Variants in SPOCK3 observed in about 807,000 individuals in gnomAD.
SPOCK3 encodes SPARC (osteonectin), cwcv and kazal like domains proteoglycan 3, also known as testican-3.
A neutral mutation model predicts 56.6 loss-of-function variants in SPOCK3; 30 were observed. The ratio of observed to expected loss-of-function variants is 0.53; its 90% CI spans 0.40 to 0.72. The LOEUF (loss-of-function observed/expected upper bound fraction) is 0.72, where lower values mean the gene tolerates loss of function less well. Among genes scored for constraint, SPOCK3 ranks in the 30% least tolerant of loss-of-function variants. The probability of loss-of-function intolerance (pLI) is 0.00; values close to 1 mark genes in which losing one functional copy is unlikely to be tolerated. For missense variants in SPOCK3, 527 were observed against 530.0 expected (o/e 0.99, Z 0.06); for synonymous variants, 196 against 183.3 (o/e 1.07, Z -0.56).
chr4:166,935,755 T>C (rs1190772558), intron 4 of SPOCK3, among the ~76,000 whole-genome samples: 1 of 152,176 alleles, frequency 6.6e-6, no homozygotes, highest in African/African-American at 2.4e-5. Context: ...AAAAGCCACA[T>C]AGTTAGGAAG....
At chr4:166,751,896 A>C (rs1180577189) in intron 8 of SPOCK3, among the ~76,000 whole-genome samples, 2 of 152,168 alleles carry the variant, frequency 1.3e-5, no homozygotes, top group African/African-American at 2.4e-5. Context: ...AACCATGTTC[A>C]TTTTGTATTG....
chr4:166,745,122 C>G (rs962922096), intron 8 of SPOCK3, among the ~76,000 whole-genome samples: 2 of 152,132 alleles, frequency 1.3e-5, no homozygotes, highest in Admixed American at 1.3e-4. Context: ...CATTCAAATT[C>G]AGGATATACA....
intron 7 of SPOCK3, among the ~76,000 whole-genome samples, chr4:166,778,214 T>A (rs956008962): frequency 2.0e-5 from 3 of 152,232 alleles, no homozygotes; most frequent in African/African-American, 7.2e-5. Context: ...ATTTCCTGAT[T>A]ATTTATGTTA....
At chr4:166,866,139 C>T (rs1731813158) in intron 6 of SPOCK3, among the ~76,000 whole-genome samples, 1 of 152,022 alleles carries the variant, frequency 6.6e-6, no homozygotes, top group Non-Finnish European at 1.5e-5. Flanking sequence ...CATCTACAAC[C>T]ATCTGATCTT....
intron 2 of SPOCK3, among the ~76,000 whole-genome samples, chr4:167,223,177 T>C (rs1228865630): frequency 7.7e-6 from 1 of 130,438 alleles, no homozygotes; most frequent in East Asian, 2.2e-4. Flanking sequence ...GAATATATAA[T>C]ATATATTTTA....
chr4:167,158,506 A>G (rs1765004880), intron 2 of SPOCK3, among the ~76,000 whole-genome samples: 1 of 152,004 alleles, frequency 6.6e-6, no homozygotes, highest in Non-Finnish European at 1.5e-5. Context: ...AGGATTTGTT[A>G]TTATACACAA....
rs930073268 is a variant in SPOCK3, at chr4:166,903,239, C to T, written c.474+9381G>A. ...GAACAAACTCTGTGGAATCCTTAGACGTTTGAATTAATAATAGATTTCTAC... is the reference window on the plus strand; with the variant it reads ...GAACAAACTCTGTGGAATCCTTAGATGTTTGAATTAATAATAGATTTCTAC... On this transcript the variant is annotated intron_variant, in intron 5 of 10. Transcript: ENST00000357545. Among the ~76,000 whole-genome samples the T allele has an allele frequency of 7.3e-5, 11 of 150,866 alleles. 1 individual carries two copies. Among genetic ancestry groups the T allele is most frequent in the Admixed American group, 1.3e-4 (2 of 15,080 alleles).
At chr4:166,845,059 G>T (rs971296947) in intron 6 of SPOCK3, among the ~76,000 whole-genome samples, 3 of 152,138 alleles carry the variant, frequency 2.0e-5, no homozygotes, top group African/African-American at 7.2e-5. Context: ...TCACAAACAT[G>T]ATTGAATTTG....
In SPOCK3 at chr4:166,847,674, TATATATAA is replaced by T. The variant is rs1238871824; in HGVS notation, c.589+41448_589+41455del. 6.0e-4 allele frequency among the ~76,000 whole-genome samples: 73 copies of T among 120,914 alleles called. 1 individual carries two copies. The highest frequency in any genetic ancestry group is 4.1e-3 in the East Asian group (14 of 3,394). 79.3% of individuals were successfully genotyped at this position (120,914 alleles called of 152,430 possible). On this transcript the variant is annotated intron_variant, in intron 6 of 10. Transcript: ENST00000357545. ...ATATATATATATATATATATATATA[TATATATAA>T]GAATCATGTTTACTTTTTTTTACAG...
At chr4:167,146,369 T>G (rs1322754340) in intron 2 of SPOCK3, among the ~76,000 whole-genome samples, 4 of 151,996 alleles carry the variant, frequency 2.6e-5, no homozygotes, top group Admixed American at 1.3e-4. Context: ...GTGGGAGACT[T>G]TAACGCCTCA....
intron 3 of SPOCK3, among the ~76,000 whole-genome samples, chr4:167,030,863 G>A (rs1009713798): frequency 9.2e-5 from 14 of 151,976 alleles, no homozygotes; most frequent in Non-Finnish European, 5.9e-5. Context: ...CCAACAAGCT[G>A]CAGGAACTCT....
chr4:166,807,423 G>A (rs1283937094), intron 6 of SPOCK3, among the ~76,000 whole-genome samples: 5 of 152,084 alleles, frequency 3.3e-5, no homozygotes, highest in Non-Finnish European at 7.4e-5. Flanking sequence ...TGACTGATTA[G>A]CAAAGTCATG....
chr4:166,824,359 G>A (rs1363746415), intron 6 of SPOCK3, among the ~76,000 whole-genome samples: 2 of 152,024 alleles, frequency 1.3e-5, no homozygotes, highest in African/African-American at 4.8e-5. Context: ...ATTGATTGCT[G>A]CCATCCCAAA....
At chr4:166,911,466 ATAGAT>A (rs1737259011) in intron 5 of SPOCK3, among the ~76,000 whole-genome samples, 1 of 152,242 alleles carries the variant, frequency 6.6e-6, no homozygotes, top group Non-Finnish European at 1.5e-5. Flanking sequence ...AAGGTTATTT[ATAGAT>A]TTAATGTATA....
intron 2 of SPOCK3, among the ~76,000 whole-genome samples, chr4:167,216,300 C>A (rs1735351158): frequency 6.6e-6 from 1 of 151,884 alleles, no homozygotes; most frequent in Non-Finnish European, 1.5e-5. Flanking sequence ...CAGCTATATA[C>A]AATCCTGTTC....
intron 3 of SPOCK3, among the ~76,000 whole-genome samples, chr4:167,057,099 T>C (rs1580150787): frequency 2.0e-5 from 3 of 152,184 alleles, no homozygotes; most frequent in South Asian, 4.2e-4. Flanking sequence ...CGGCAGAAAC[T>C]CTACAAGCCA....
chr4:167,234,534 C>T, upstream of SPOCK3: 1 of 277,092 alleles, frequency 3.6e-6, no homozygotes, highest in Non-Finnish European at 6.9e-6. Flanking sequence ...GGAGCTGCTG[C>T]ACGCGCCGCC....
At chr4:167,084,537 G>C (rs1427847237) in intron 2 of SPOCK3, among the ~76,000 whole-genome samples, 1 of 152,092 alleles carries the variant, frequency 6.6e-6, no homozygotes, top group East Asian at 1.9e-4. Flanking sequence ...AGCTGCTTTT[G>C]CAACAGCCCT....
intron 3 of SPOCK3, among the ~76,000 whole-genome samples, chr4:167,056,336 A>T (rs1287255355): frequency 6.6e-6 from 1 of 152,184 alleles, no homozygotes; most frequent in Non-Finnish European, 1.5e-5. Flanking sequence ...AAGATGGGGA[A>T]AAAACAGAGC....
Sources: gnomAD v4.1 joint callset for allele counts (sites outside exome capture counted in the v4.1 genomes callset) on GRCh38, gnomAD v4.1.1 for gene constraint, MANE v1.5 for transcripts, NCBI Gene and HGNC (gene_info 2026-07-23, HGNC 2026-07-21) for gene names.